SDCCAG8: variants seen among roughly 807,000 people sequenced by gnomAD.
The protein encoded by SDCCAG8 is SHH signaling and ciliogenesis regulator SDCCAG8.
In SDCCAG8, 74 loss-of-function variants were observed where a neutral mutation model predicts 101.8. The ratio of observed to expected loss-of-function variants is 0.73; its 90% CI spans 0.60 to 0.88. SDCCAG8 has a LOEUF of 0.88. Ranked by LOEUF, SDCCAG8 falls within the 40% of genes least tolerant of loss-of-function variation. The probability of loss-of-function intolerance (pLI) is 0.00; values close to 1 mark genes in which losing one functional copy is unlikely to be tolerated. For synonymous variants in SDCCAG8, 281 were observed against 292.9 expected, an observed-to-expected ratio of 0.96 and a Z score of 0.41; for missense variants, 787 against 822.6, an observed-to-expected ratio of 0.96 and a Z score of 0.53.
At chr1:243,494,681 T>A (rs1667371482) in intron 17 of SDCCAG8, among the ~76,000 whole-genome samples, 1 of 152,200 alleles carries the variant, frequency 6.6e-6, no homozygotes, top group Admixed American at 6.5e-5. Flanking sequence ...AGAATAAGAA[T>A]CATGGGAGAA....
At chr1:243,377,547 A>ATGT (rs1371096488) in intron 12 of SDCCAG8, among the ~76,000 whole-genome samples, 2 of 151,996 alleles carry the variant, frequency 1.3e-5, no homozygotes, top group African/African-American at 4.8e-5. Flanking sequence ...ATTGTTGGTT[A>ATGT]ATGTATGGTT....
At chr1:243,454,648 C>T (rs1473825913) in intron 16 of SDCCAG8, among the ~76,000 whole-genome samples, 1 of 152,110 alleles carries the variant, frequency 6.6e-6, no homozygotes, top group African/African-American at 2.4e-5. Flanking sequence ...TAATAATAAC[C>T]GTGTTCTCCA....
chr1:243,305,950 G>A (rs1388125653), intron 7 of SDCCAG8: 2 of 152,024 alleles, frequency 1.3e-5, no homozygotes, highest in African/African-American at 4.8e-5. Flanking sequence ...TTAGCTGGGT[G>A]TGGTGGCACA....
At chr1:243,403,595 C>A (rs185549627) in intron 13 of SDCCAG8, among the ~76,000 whole-genome samples, 2 of 152,084 alleles carry the variant, frequency 1.3e-5, no homozygotes, top group Admixed American at 6.5e-5. Context: ...GCAGGAGTTC[C>A]CAACTCGGGG....
chr1:243,481,067 G>A lies in SDCCAG8; in HGVS notation c.1986-7947G>A, dbSNP rs114337783. Among the ~76,000 whole-genome samples the A allele has an allele frequency of 8.7e-3, 1,327 of 152,116 alleles. 21 individuals carry two copies. Among genetic ancestry groups the A allele is most frequent in the African/African-American group, 0.03 (1,251 of 41,464 alleles). ...GTGTGTCAGGTGGTGAGTTTGAGGTGGGCTTGGAAATGCAAGAGAGAGGCC... is the reference window on the plus strand; with the variant it reads ...GTGTGTCAGGTGGTGAGTTTGAGGTAGGCTTGGAAATGCAAGAGAGAGGCC... On this transcript the variant is annotated intron_variant, in intron 16 of 17. Coordinates refer to ENST00000366541, the MANE Select transcript of SDCCAG8 (RefSeq NM_006642.5).
intron 12 of SDCCAG8, among the ~76,000 whole-genome samples, chr1:243,367,514 C>T (rs2077051966): frequency 6.6e-6 from 1 of 151,646 alleles, no homozygotes; most frequent in Admixed American, 6.6e-5. Context: ...GTCAAAGGTA[C>T]CTTTACACTG....
chr1:243,488,623 C>A (rs1234664168), intron 16 of SDCCAG8, among the ~76,000 whole-genome samples: 2 of 152,182 alleles, frequency 1.3e-5, no homozygotes, highest in Non-Finnish European at 2.9e-5. Context: ...TTCCACGGCC[C>A]TCACCCACTT....
At chr1:243,478,444 C>T (rs889077194) in intron 16 of SDCCAG8, among the ~76,000 whole-genome samples, 4 of 152,156 alleles carry the variant, frequency 2.6e-5, no homozygotes, top group African/African-American at 7.2e-5. Context: ...TTGATCCCCC[C>T]ATCACTTGGG....
intron 14 of SDCCAG8, 131 bp from the exon 15 acceptor site, chr1:243,417,836 AC>A: frequency 1.4e-6 from 1 of 700,490 alleles, no homozygotes; most frequent in Non-Finnish European, 2.6e-6. Flanking sequence ...TTGACTTAGG[AC>A]ATTGAAGGTG....
intron 12 of SDCCAG8, among the ~76,000 whole-genome samples, chr1:243,374,909 A>G (rs938530350): frequency 2.0e-5 from 3 of 152,182 alleles, no homozygotes; most frequent in South Asian, 2.1e-4. Flanking sequence ...TGATTGTTTA[A>G]CAGATATGTT....
intron 1 of SDCCAG8, chr1:243,267,779 C>T: frequency 1.2e-6 from 1 of 810,464 alleles, no homozygotes; most frequent in Admixed American, 1.7e-5. Context: ...ATACTTCTGC[C>T]CCAATTTCTC....
At position 243,378,707 on chromosome 1, in the gene SDCCAG8, T is replaced by G; in HGVS notation, c.1474-14T>G. The G allele has an allele frequency of 1.2e-6, 2 of 1,613,632 alleles. No homozygotes were observed. The highest frequency in any genetic ancestry group is 1.7e-6 in the Non-Finnish European group (2 of 1,179,676). ...ATTTTATATGGATGCTTTTTCCCCT[T>G]CTCTCTACCTAAGGAAATAGAGAAA... On this transcript the variant is annotated splice_polypyrimidine_tract_variant and intron_variant, in intron 12 of 17. Transcript: ENST00000366541.
intron 6 of SDCCAG8, chr1:243,293,475 T>G (rs1460004813): frequency 1.2e-5 from 7 of 607,506 alleles, no homozygotes; most frequent in Middle Eastern, 5.1e-4. Context: ...CAACCCCTGA[T>G]GACCTCTCTT....
At chr1:243,285,343 C>T (rs965128155) in intron 4 of SDCCAG8, among the ~76,000 whole-genome samples, 53 of 152,280 alleles carry the variant, frequency 3.5e-4, no homozygotes, top group African/African-American at 1.3e-3. Flanking sequence ...TTCCCTATGA[C>T]TTCATTTCTC....
rs1199868149 is a variant in SDCCAG8, at chr1:243,367,948, T to G, written c.1474-10773T>G. 3.3e-5 allele frequency among the ~76,000 whole-genome samples: 5 copies of G among 152,016 alleles called. No homozygotes were observed. In the East Asian group the frequency reaches 9.6e-4, roughly 29 times the overall value. On this transcript the variant is annotated intron_variant, in intron 12 of 17. Transcript: ENST00000366541. The stretch of plus-strand genomic sequence containing the variant: ...TAAGAACCTGGCTAGACACAGTGGC[T>G]CATGCCTGTAATCCCAACACTTTGG...
chr1:243,346,812 A>G (rs1227139809), intron 12 of SDCCAG8, among the ~76,000 whole-genome samples: 3 of 152,166 alleles, frequency 2.0e-5, no homozygotes, highest in Non-Finnish European at 4.4e-5. Context: ...TATGGAGGAG[A>G]ATGTGAAATA....
intron 4 of SDCCAG8, among the ~76,000 whole-genome samples, chr1:243,277,481 T>TA (rs1160207018): frequency 6.6e-6 from 1 of 152,252 alleles, no homozygotes; most frequent in Non-Finnish European, 1.5e-5. Context: ...CACCCATTTT[T>TA]AAAATCAGGT....
chr1:243,442,587 A>C lies in SDCCAG8; in HGVS notation c.1985+16029A>C, dbSNP rs942905376. Among the ~76,000 whole-genome samples, 5 of 151,736 alleles carry C rather than the reference A, an allele frequency of 3.3e-5. No homozygotes were observed. The East Asian group carries it at 9.6e-4, about 29-fold the overall frequency. ...TGTAAAGCCCTGATTTTCATAGATA[A>C]CCTAATCTGTAGGGAAAAAGAACAT... is the stretch of plus-strand genomic sequence containing the variant. On this transcript the variant is annotated intron_variant, in intron 16 of 17. Coordinates refer to ENST00000366541, the MANE Select transcript of SDCCAG8 (RefSeq NM_006642.5).
intron 12 of SDCCAG8, among the ~76,000 whole-genome samples, chr1:243,371,935 A>G (rs926550116): frequency 7.2e-5 from 11 of 152,156 alleles, no homozygotes; most frequent in African/African-American, 2.7e-4. Context: ...TAATTAGCTT[A>G]AATTTAAATA....
Sources: allele counts gnomAD v4.1 joint callset (sites outside exome capture counted in the v4.1 genomes callset), GRCh38; gene constraint gnomAD v4.1.1; transcripts MANE v1.5; gene names NCBI Gene and HGNC (gene_info 2026-07-23, HGNC 2026-07-21).